Variants in GNB5 observed in about 807,000 individuals in gnomAD.
GNB5 encodes guanine nucleotide-binding protein subunit beta-5.
In GNB5, 37 loss-of-function variants were observed where a neutral mutation model predicts 55.3. The ratio of observed to expected loss-of-function variants is 0.67; its 90% CI spans 0.51 to 0.88. The LOEUF is 0.88. GNB5 is among the 40% of genes least tolerant of loss of function. The pLI is 0.00. For synonymous variants in GNB5, 219 were observed against 198.5 expected (o/e 1.10, Z -0.87); for missense variants, 476 against 515.3 (o/e 0.92, Z 0.74).
intron 2 of GNB5, chr15:52,180,298 G>T (rs1019430391): frequency 6.5e-6 from 1 of 154,264 alleles, no homozygotes; most frequent in South Asian, 2.1e-4. Flanking sequence ...CAAGCCTCTC[G>T]TGCAGATCTC....
intron 10 of GNB5, among the ~76,000 whole-genome samples, chr15:52,127,195 A>T (rs922981140): frequency 2.6e-5 from 4 of 152,184 alleles, no homozygotes; most frequent in African/African-American, 9.7e-5. Flanking sequence ...CAGGCTCCCC[A>T]TCAACCCAAC....
chr15:52,177,325 G>C (rs2034671825), intron 3 of GNB5, among the ~76,000 whole-genome samples: 1 of 151,858 alleles, frequency 6.6e-6, no homozygotes, highest in Admixed American at 6.6e-5. Flanking sequence ...GAGCCACCCT[G>C]TCGGTCCGAG....
At chr15:52,185,772 T>TTAG (rs1217042184) in intron 1 of GNB5, among the ~76,000 whole-genome samples, 3 of 147,076 alleles carry the variant, frequency 2.0e-5, no homozygotes, top group Non-Finnish European at 4.5e-5. Flanking sequence ...ATTATTATTA[T>TTAG]TATTATTATT....
chr15:52,137,961 G>GT (rs1566936378), intron 7 of GNB5: 1 of 1,286,954 alleles, frequency 7.8e-7, no homozygotes, highest in East Asian at 5.5e-5. Flanking sequence ...AAAGAAAAGA[G>GT]GAATCAGGCC....
intron 4 of GNB5, among the ~76,000 whole-genome samples, chr15:52,152,504 T>C (rs564065632): frequency 6.6e-6 from 1 of 152,130 alleles, no homozygotes; most frequent in Admixed American, 6.5e-5. Flanking sequence ...TTGTATTTTT[T>C]AGTAGACACG....
At chr15:52,184,717 G>C (rs2034819946) in intron 1 of GNB5, 23 bp from the exon 2 acceptor site, 1 of 1,595,900 alleles carries the variant, frequency 6.3e-7, no homozygotes, top group African/African-American at 1.3e-5. Flanking sequence ...GAAAAGAAGG[G>C]AGGGGGTGTG....
At chr15:52,135,913 G>T (rs1411500927) in intron 7 of GNB5, 157 bp from the exon 8 acceptor site, 4 of 590,814 alleles carry the variant, frequency 6.8e-6, no homozygotes, top group Non-Finnish European at 1.1e-5. Flanking sequence ...CTGTATCTGG[G>T]TTCATGCACA....
At chr15:52,141,061 G>A (rs186655807) in intron 7 of GNB5, 79 bp downstream of exon 7, 171 of 1,280,234 alleles carry the variant, frequency 1.3e-4, no homozygotes, top group African/African-American at 1.1e-3. Context: ...TCAGAGAGAC[G>A]CCGAAAGCTT....
At chr15:52,160,239 C>T (rs543526117) in intron 3 of GNB5, among the ~76,000 whole-genome samples, 42 of 152,188 alleles carry the variant, frequency 2.8e-4, no homozygotes, top group Admixed American at 3.3e-4. Flanking sequence ...TGAGCCACTG[C>T]GCCTGGCCAG....
intron 1 of GNB5, 69 bp from the exon 2 acceptor site, chr15:52,184,763 TC>T: frequency 7.5e-7 from 1 of 1,336,038 alleles, no homozygotes; most frequent in African/African-American, 1.5e-5. Flanking sequence ...TAAAATCTCT[TC>T]TTGCTTGTAC....
chr15:52,149,841 G>A, intron 5 of GNB5, 43 bp downstream of exon 5: 1 of 1,478,006 alleles, frequency 6.8e-7, no homozygotes, highest in Non-Finnish European at 9.5e-7. Flanking sequence ...AAGTAGGCTG[G>A]GATTCTGAAG....
intron 12 of GNB5, among the ~76,000 whole-genome samples, chr15:52,123,868 T>C (rs186264393): frequency 2.8e-4 from 42 of 152,152 alleles, no homozygotes; most frequent in African/African-American, 1.0e-3. Flanking sequence ...GGTAGTATTT[T>C]GGGTGAGCCA....
chr15:52,178,961 C>T, intron 3 of GNB5, among the ~76,000 whole-genome samples: 1 of 152,244 alleles, frequency 6.6e-6, no homozygotes. Context: ...AAGCCTGGCC[C>T]CCAGCCCAAG....
intron 9 of GNB5, among the ~76,000 whole-genome samples, chr15:52,131,077 C>T (rs1043801341): frequency 5.9e-5 from 9 of 152,166 alleles, no homozygotes; most frequent in East Asian, 1.9e-4. Context: ...CCGCCCACCT[C>T]GGCCTCCCAA....
At chr15:52,154,488 CAG>C (rs1284973572) in intron 3 of GNB5, among the ~76,000 whole-genome samples, 3 of 152,170 alleles carry the variant, frequency 2.0e-5, no homozygotes, top group African/African-American at 7.2e-5. Context: ...AACTGAGACT[CAG>C]AGAGGTTATC....
chr15:52,136,467 G>T (rs756296307), intron 7 of GNB5, among the ~76,000 whole-genome samples: 61 of 152,202 alleles, frequency 4.0e-4, no homozygotes, highest in Non-Finnish European at 7.3e-4. Flanking sequence ...TCACTGGGCT[G>T]CTTGCTAATA....
intron 9 of GNB5, among the ~76,000 whole-genome samples, chr15:52,131,583 T>G (rs1004439877): frequency 6.6e-6 from 1 of 152,214 alleles, no homozygotes. Flanking sequence ...ATCTTGCATT[T>G]TACTAACTTC....
At chr15:52,125,530 C>T (rs1287512286) in intron 11 of GNB5, 3 of 154,948 alleles carry the variant, frequency 1.9e-5, no homozygotes, top group Non-Finnish European at 2.9e-5. Context: ...GATCGCCTGT[C>T]TCGGCCTCCC....
chr15:52,154,780 G>GA (rs2034173229), intron 3 of GNB5, among the ~76,000 whole-genome samples: 1 of 152,320 alleles, frequency 6.6e-6, no homozygotes, highest in Non-Finnish European at 1.5e-5. Context: ...TGAGTTTACT[G>GA]AAAAACCTAG....
Sources: allele counts gnomAD v4.1 joint callset (sites outside exome capture counted in the v4.1 genomes callset), GRCh38; gene constraint gnomAD v4.1.1; transcripts MANE v1.5; gene names NCBI Gene and HGNC (gene_info 2026-07-23, HGNC 2026-07-21).